BAG4: variants seen among roughly 807,000 people sequenced by gnomAD.
BAG4 encodes the protein BAG cochaperone 4.
BAG4 carries 28 observed loss-of-function variants against 52.1 expected under a neutral mutation model. That is an observed-to-expected ratio of 0.54 (90% CI 0.40 to 0.74). BAG4 has a LOEUF of 0.74. Ranked by LOEUF, BAG4 falls within the 30% of genes least tolerant of loss-of-function variation. The pLI, the probability that BAG4 is intolerant of heterozygous loss-of-function variation, is 0.00. For synonymous variants in BAG4, 208 were observed against 217.0 expected, an observed-to-expected ratio of 0.96 and a Z score of 0.37; for missense variants, 525 against 572.0, an observed-to-expected ratio of 0.92 and a Z score of 0.84.
At chr8:38,198,155 C>A (rs994963789) in intron 2 of BAG4, among the ~76,000 whole-genome samples, 1 of 151,762 alleles carries the variant, frequency 6.6e-6, no homozygotes, top group South Asian at 2.1e-4. Flanking sequence ...GAGGCCAAGG[C>A]GGGCAGATCA....
intron 1 of BAG4, among the ~76,000 whole-genome samples, chr8:38,178,978 A>AAAAATAC (rs1469181342): frequency 2.6e-5 from 4 of 152,066 alleles, no homozygotes; most frequent in African/African-American, 9.7e-5. Context: ...CTAAAAATAA[A>AAAAATAC]AAAATAAAAA....
At chr8:38,179,639 G>A (rs1208882121) in intron 1 of BAG4, among the ~76,000 whole-genome samples, 4 of 151,754 alleles carry the variant, frequency 2.6e-5, no homozygotes, top group South Asian at 2.1e-4. Context: ...GGTGGCGGGC[G>A]CCTGTAATCC....
chr8:38,189,319 G>C (rs1306330716), intron 1 of BAG4, among the ~76,000 whole-genome samples: 1 of 152,150 alleles, frequency 6.6e-6, no homozygotes. Flanking sequence ...AGTTTTATGA[G>C]TAACAACTAA....
At chr8:38,199,141 A>C (rs557205007) in intron 2 of BAG4, among the ~76,000 whole-genome samples, 13 of 152,380 alleles carry the variant, frequency 8.5e-5, no homozygotes, top group African/African-American at 2.9e-4. Context: ...GTTATATACA[A>C]CTGGCACACA....
Position 38,209,170 on chromosome 8 carries a change from C to T in BAG4, c.791C>T (p.Ala264Val). The T allele has an allele frequency of 1.9e-6, 3 of 1,614,190 alleles. No individual in the cohort carries two copies. Among genetic ancestry groups the T allele is most frequent in the South Asian group, 2.2e-5 (2 of 91,086 alleles). ...CCCTGGCCTTCATCAGCGCCCTCAGCACCACCCGGCAATCTCTACATGACT... is the reference window on the plus strand; with the variant it reads ...CCCTGGCCTTCATCAGCGCCCTCAGTACCACCCGGCAATCTCTACATGACT... ...RYPWPSSAPS[A>V]PPGNLYMTES... Residue 264 changes from alanine to valine, a missense_variant, in exon 4 of 5, where the codon GCA becomes GTA. Physicochemically the swap from Ala to Val is moderately conservative, Grantham distance 64. Transcript: ENST00000287322.
intron 1 of BAG4, among the ~76,000 whole-genome samples, chr8:38,188,921 G>A (rs927089076): frequency 2.1e-4 from 32 of 151,038 alleles, no homozygotes; most frequent in African/African-American, 7.8e-4. Context: ...AACCTCCCAA[G>A]TAGCTAGGAC....
chr8:38,193,726 C>T (rs1048074426), intron 2 of BAG4, among the ~76,000 whole-genome samples: 10 of 149,352 alleles, frequency 6.7e-5, no homozygotes, highest in African/African-American at 2.2e-4. Flanking sequence ...CCACCATACC[C>T]AGCTAATTTT....
chr8:38,210,446 T>C lies in BAG4; in HGVS notation c.1327T>C (p.Cys443Arg). The stretch of plus-strand genomic sequence containing the variant: ...ACGGCAGGCCAGAAAAGAGGCTGTT[T>C]GTAAGATTCAGGCCATACTGGAAAA... Reference protein sequence around the residue: ...SVRQARKEAVCKIQAILEKLE... With the variant: ...SVRQARKEAVRKIQAILEKLE... The change falls in exon 5 of 5, where the codon TGT (cysteine) becomes CGT (arginine). Residue 443 changes from cysteine (C) to arginine (R), a missense_variant. By Grantham distance (180) the Cys-to-Arg change is radical. Transcript: ENST00000287322. The C allele has an allele frequency of 3.1e-6, 5 of 1,600,006 alleles. No homozygotes were observed. Among genetic ancestry groups the C allele is most frequent in the Non-Finnish European group, 4.3e-6 (5 of 1,176,372 alleles).
At chr8:38,193,296 G>A (rs531296851) in intron 2 of BAG4, among the ~76,000 whole-genome samples, 1 of 151,928 alleles carries the variant, frequency 6.6e-6, no homozygotes, top group South Asian at 2.1e-4. Flanking sequence ...GTGGGCGCCT[G>A]TACTCCCAGC....
chr8:38,207,578 G>A lies in BAG4; in HGVS notation c.445G>A (p.Ala149Thr). The A allele has an allele frequency of 6.2e-7, 1 of 1,613,706 alleles. No individual in the cohort carries two copies. Among genetic ancestry groups the A allele is most frequent in the South Asian group, 1.1e-5 (1 of 91,060 alleles). Residue 149 changes from alanine to threonine, a missense_variant, in exon 3 of 5, where the codon GCC becomes ACC. Ala to Thr is a moderately conservative substitution (Grantham distance 58). Transcript: ENST00000287322. ...TYPPGPGANT[A>T]SYSGAYYAPG... ...CCCCCCAGGCCCTGGGGCAAATACT[G>A]CCTCATACTCAGGGGCTTATTATGC...
chr8:38,191,351 G>C (rs139859725), intron 1 of BAG4, among the ~76,000 whole-genome samples: 40 of 152,292 alleles, frequency 2.6e-4, no homozygotes, highest in Middle Eastern at 3.4e-3. Context: ...TGGATAAGTA[G>C]TGCAGTTAAG....
At chr8:38,182,055 C>T (rs1554506211) in intron 1 of BAG4, among the ~76,000 whole-genome samples, 3 of 151,992 alleles carry the variant, frequency 2.0e-5, no homozygotes, top group Non-Finnish European at 4.4e-5. Context: ...GGTCATCTTA[C>T]AGTAAGGGAA....
intron 1 of BAG4, among the ~76,000 whole-genome samples, chr8:38,178,029 T>G (rs1405452231): frequency 6.6e-6 from 1 of 152,182 alleles, no homozygotes; most frequent in Non-Finnish European, 1.5e-5. Flanking sequence ...AATTAGTCTA[T>G]GACCCAGCAA....
chr8:38,178,421 C>T (rs999166041), intron 1 of BAG4, among the ~76,000 whole-genome samples: 8 of 152,222 alleles, frequency 5.3e-5, no homozygotes, highest in African/African-American at 1.9e-4. Context: ...CCCTCGGCCT[C>T]CCGAAGTGTT....
intron 2 of BAG4, among the ~76,000 whole-genome samples, chr8:38,199,756 C>T (rs1306993905): frequency 2.0e-5 from 3 of 152,024 alleles, no homozygotes; most frequent in Non-Finnish European, 4.4e-5. Flanking sequence ...ACCTCCTGAC[C>T]TCGTGGTCCA....
chr8:38,187,578 A>G (rs888221929), intron 1 of BAG4, among the ~76,000 whole-genome samples: 2 of 152,190 alleles, frequency 1.3e-5, no homozygotes, highest in African/African-American at 4.8e-5. Flanking sequence ...ATAACAATAT[A>G]ATGTTGAGTT....
rs554983876 is a variant in BAG4, at chr8:38,211,700, G to A, written c.*1207G>A. On this transcript the variant is annotated 3_prime_UTR_variant, in exon 5 of 5. Coordinates refer to ENST00000287322, the MANE Select transcript of BAG4 (RefSeq NM_004874.4). ...GATTTTATGTTTATTTCCCTAAATT[G>A]CATAAGATAAAATTGTCTGTTTAAT... 2 of 151,910 alleles carry A rather than the reference G, an allele frequency of 1.3e-5. No individual in the cohort carries two copies. The highest frequency in any genetic ancestry group is 2.1e-4 in the South Asian group (1 of 4,810). 9.4% of individuals were successfully genotyped at this position (151,910 alleles called of 1,614,324 possible).
At chr8:38,180,180 A>G (rs532240612) in intron 1 of BAG4, among the ~76,000 whole-genome samples, 4 of 151,738 alleles carry the variant, frequency 2.6e-5, no homozygotes, top group Non-Finnish European at 5.9e-5. Context: ...TGAAACTTTA[A>G]AAGTATAGGA....
Position 38,210,229 on chromosome 8 carries a change from A to G in BAG4, c.1110A>G (p.Val370=). ...GTAGCAGTCTTCCTGAAGAATGTGTACCTTCAGATGAAAGTACTCCTCCGA... is the reference window on the plus strand; with the variant it reads ...GTAGCAGTCTTCCTGAAGAATGTGTGCCTTCAGATGAAAGTACTCCTCCGA... The part of the protein sequence containing the change: ...DQSSSLPEEC[V]PSDESTPPSI... The change falls in exon 5 of 5, where the codon GTA becomes GTG. Residue 370 remains valine, a synonymous_variant. Transcript: ENST00000287322. The G allele has an allele frequency of 6.2e-7, 1 of 1,614,160 alleles. No homozygotes were observed. The highest frequency in any genetic ancestry group is 1.3e-5 in the African/African-American group (1 of 75,034).
Sources: allele counts gnomAD v4.1 joint callset (sites outside exome capture counted in the v4.1 genomes callset), GRCh38; gene constraint gnomAD v4.1.1; transcripts MANE v1.5; gene names NCBI Gene and HGNC (gene_info 2026-07-23, HGNC 2026-07-21).